MTHFD1: variants seen among roughly 807,000 people sequenced by gnomAD.
The protein encoded by MTHFD1 is methylenetetrahydrofolate dehydrogenase, cyclohydrolase and formyltetrahydrofolate synthetase 1, also known as C-1-tetrahydrofolate synthase, cytoplasmic.
In MTHFD1, 44 loss-of-function variants were observed where a neutral mutation model predicts 110.3. That is an observed-to-expected ratio of 0.40 (90% CI 0.31 to 0.51). The LOEUF is 0.51. MTHFD1 is among the 20% of genes least tolerant of loss of function. The pLI, the probability that MTHFD1 is intolerant of heterozygous loss-of-function variation, is 0.60. For synonymous variants in MTHFD1, 402 were observed against 428.8 expected, an observed-to-expected ratio of 0.94 and a Z score of 0.77; for missense variants, 909 against 1,173.1, an observed-to-expected ratio of 0.77 and a Z score of 3.29.
chr14:64,418,158 A>G lies in MTHFD1; in HGVS notation c.615+134A>G, dbSNP rs116244898. 2,632 of 1,179,588 alleles carry G rather than the reference A, an allele frequency of 2.2e-3. 42 individuals are homozygous for G. In the African/African-American group the frequency reaches 0.033, roughly 15 times the overall value. 73.1% of individuals were successfully genotyped at this position (1,179,588 alleles called of 1,614,324 possible). A position where few individuals can be genotyped will look rare whatever the true frequency, so the allele number is the denominator to read the frequency against. On this transcript the variant is annotated intron_variant, in intron 7 of 27. Transcript: ENST00000652337. ...TTTACAAGATGAAAAAACAAATTCA[A>G]ATTAAAGGCTGAGTGGGGTGGCTGA... is the stretch of plus-strand genomic sequence containing the variant.
intron 1 of MTHFD1, 62 bp from the exon 2 acceptor site, chr14:64,400,731 C>A: frequency 9.8e-7 from 1 of 1,015,722 alleles, no homozygotes; most frequent in Non-Finnish European, 1.6e-6. Context: ...ATCTAATAAT[C>A]TGCATCACTT....
intron 2 of MTHFD1, among the ~76,000 whole-genome samples, chr14:64,410,874 G>C (rs1194487131): frequency 6.6e-6 from 1 of 152,132 alleles, no homozygotes; most frequent in Admixed American, 6.5e-5. Flanking sequence ...TTGGCAGTGG[G>C]AACCAGGTGG....
At chr14:64,426,798 T>G (rs1005168251) in intron 11 of MTHFD1, among the ~76,000 whole-genome samples, 35 of 152,300 alleles carry the variant, frequency 2.3e-4, no homozygotes, top group African/African-American at 8.2e-4. Context: ...CAAAATTCAT[T>G]AATTCGATGG....
At chr14:64,458,131 T>G in intron 26 of MTHFD1, 83 bp from the exon 27 acceptor site, 1 of 1,093,012 alleles carries the variant, frequency 9.1e-7, no homozygotes. Context: ...CCTCAAGTGA[T>G]CCTCTCCACC....
chr14:64,405,174 G>A lies in MTHFD1; in HGVS notation c.126+4297G>A, dbSNP rs183424023. ...GTGTATACTGGTACATTTGGTGGCT[G>A]GTTATTTCTTGGCTTATTTTTGCAA... On this transcript the variant is annotated intron_variant, in intron 2 of 27. Coordinates refer to ENST00000652337, the MANE Select transcript of MTHFD1 (RefSeq NM_005956.4). Among the ~76,000 whole-genome samples the A allele has an allele frequency of 1.3e-3, 199 of 152,130 alleles. 2 individuals carry two copies. The highest frequency in any genetic ancestry group is 4.7e-3 in the African/African-American group (193 of 41,504).
chr14:64,434,454 G>C (rs998931319), intron 15 of MTHFD1, among the ~76,000 whole-genome samples: 6 of 152,138 alleles, frequency 3.9e-5, no homozygotes, highest in African/African-American at 1.4e-4. Context: ...TACTCGGGAG[G>C]CTAAGGCAGG....
intron 26 of MTHFD1, among the ~76,000 whole-genome samples, chr14:64,456,015 T>C (rs2078467006): frequency 6.6e-6 from 1 of 152,224 alleles, no homozygotes; most frequent in African/African-American, 2.4e-5. Context: ...GCACCTTGAA[T>C]AGTGCAGAAA....
In MTHFD1 at chr14:64,435,629, G is replaced by A. The variant is rs536701736; in HGVS notation, c.1555G>A (p.Ala519Thr). ...TLTDEEINRF[A>T]RLDIDPETIT... Reference sequence around the variant, plus strand: ...GACAGATGAAGAGATAAACAGATTTGCAAGATTGGACATTGATCCAGAAAC... The same window carrying A: ...GACAGATGAAGAGATAAACAGATTTACAAGATTGGACATTGATCCAGAAAC... The change falls in exon 16 of 28, where the codon GCA (alanine) becomes ACA (threonine). Residue 519 changes from alanine to threonine, a missense_variant. By Grantham distance (58) the Ala-to-Thr change is moderately conservative. Transcript: ENST00000652337. 5 of 1,612,742 alleles carry A rather than the reference G, an allele frequency of 3.1e-6. No homozygotes were observed. The African/African-American group carries it at 6.7e-5, about 21-fold the overall frequency.
intron 22 of MTHFD1, among the ~76,000 whole-genome samples, chr14:64,447,440 C>T (rs1172205006): frequency 6.6e-6 from 1 of 150,936 alleles, no homozygotes; most frequent in Non-Finnish European, 1.5e-5. Flanking sequence ...AGGCATAAGC[C>T]ACCAGGTCCG....
At chr14:64,458,830 T>C (rs1039182953) in intron 27 of MTHFD1, among the ~76,000 whole-genome samples, 2 of 152,220 alleles carry the variant, frequency 1.3e-5, no homozygotes, top group African/African-American at 4.8e-5. Flanking sequence ...TGACATTGCA[T>C]TGTTTGATAT....
chr14:64,427,733 C>G (rs1295007587), intron 12 of MTHFD1, among the ~76,000 whole-genome samples: 1 of 152,214 alleles, frequency 6.6e-6, no homozygotes, highest in East Asian at 1.9e-4. Context: ...ATTTGACCCT[C>G]ATAGTCCACT....
At chr14:64,426,996 T>C (rs978749465) in intron 11 of MTHFD1, among the ~76,000 whole-genome samples, 1 of 152,214 alleles carries the variant, frequency 6.6e-6, no homozygotes, top group African/African-American at 2.4e-5. Flanking sequence ...AAATTACAAC[T>C]AAGACTTTTG....
At chr14:64,414,028 C>T (rs2140955059) in intron 4 of MTHFD1, among the ~76,000 whole-genome samples, 1 of 152,174 alleles carries the variant, frequency 6.6e-6, no homozygotes, top group South Asian at 2.1e-4. Flanking sequence ...GAGTTTTACT[C>T]TTGTCGCCCA....
intron 24 of MTHFD1, among the ~76,000 whole-genome samples, chr14:64,450,933 C>T (rs539908495): frequency 6.5e-4 from 99 of 152,102 alleles, no homozygotes; most frequent in African/African-American, 2.2e-3. Flanking sequence ...TTTGGGAGGC[C>T]GAGGTGGGTG....
In MTHFD1 at chr14:64,418,039, GGA is replaced by G; in HGVS notation, c.615+19_615+20del. On this transcript the variant is annotated intron_variant, in intron 7 of 27. Coordinates refer to ENST00000652337, the MANE Select transcript of MTHFD1 (RefSeq NM_005956.4). ...TGGATGAGGAGGTAGGGTGTCCAGA[GGA>G]GAGGTAAAGGTGTTACGGTGGGGAG... is the stretch of plus-strand genomic sequence containing the variant. The G allele has an allele frequency of 6.2e-7, 1 of 1,614,152 alleles. No homozygotes were observed. The highest frequency in any genetic ancestry group is 8.5e-7 in the Non-Finnish European group (1 of 1,180,022).
Position 64,412,504 on chromosome 14 carries a change from A to G in MTHFD1, c.219A>G (p.Pro73=), listed in dbSNP as rs1206670478. The G allele has an allele frequency of 6.2e-7, 1 of 1,613,690 alleles. No individual in the cohort carries two copies. Among genetic ancestry groups the G allele is most frequent in the East Asian group, 2.2e-5 (1 of 44,874 alleles). The change falls in exon 4 of 28, where the codon CCA becomes CCG. Residue 73 remains proline, a synonymous_variant. Coordinates refer to ENST00000652337, the MANE Select transcript of MTHFD1 (RefSeq NM_005956.4). ...IGIKATHIKL[P]RTTTESEVMK... is the part of the protein sequence containing the mutation. Reference sequence around the variant, plus strand: ...TCAAAGCCACTCACATTAAGTTACCAAGAACAACCACAGAATCTGAGGTGA... The same window carrying G: ...TCAAAGCCACTCACATTAAGTTACCGAGAACAACCACAGAATCTGAGGTGA...
rs2078147236 is a variant in MTHFD1 at position 64,430,245 on chromosome 14, G to C, written c.1311+15G>C. The C allele has an allele frequency of 6.2e-7, 1 of 1,612,506 alleles. No individual in the cohort carries two copies. The highest frequency in any genetic ancestry group is 8.5e-7 in the Non-Finnish European group (1 of 1,179,460). ...CTATGGAAGAGGTAAAGTATTCTGG[G>C]ATTTGGCTGAATTAGATCCCCCTTT... On this transcript the variant is annotated intron_variant, in intron 13 of 27. Transcript: ENST00000652337.
At chr14:64,448,175 C>T (rs761287735) in intron 22 of MTHFD1, 42 bp from the exon 23 acceptor site, 1 of 1,469,716 alleles carries the variant, frequency 6.8e-7, no homozygotes, top group Non-Finnish European at 9.5e-7. Flanking sequence ...CAGTGGTTTT[C>T]AACTCTCTGA....
At chr14:64,439,981 C>T in intron 17 of MTHFD1, 145 bp from the exon 18 acceptor site, 2 of 515,048 alleles carry the variant, frequency 3.9e-6, no homozygotes, top group Non-Finnish European at 6.6e-6. Flanking sequence ...GGATTATTTT[C>T]ATTAAGTATT....
Sources: allele counts gnomAD v4.1 joint callset (sites outside exome capture counted in the v4.1 genomes callset), GRCh38; gene constraint gnomAD v4.1.1; transcripts MANE v1.5; gene names NCBI Gene and HGNC (gene_info 2026-07-23, HGNC 2026-07-21).